FBN1: variants seen among roughly 807,000 people sequenced by gnomAD.
FBN1 encodes fibrillin 1.
Under a neutral mutation model 365.1 loss-of-function variants are expected in FBN1, and 29 were observed. That is an observed-to-expected ratio of 0.08 (90% CI 0.06 to 0.11). The LOEUF is 0.11. Ranked by LOEUF, FBN1 falls within the 10% of genes least tolerant of loss-of-function variation. The pLI is 1.00. For missense variants in FBN1, 2,476 were observed against 3,703.2 expected (o/e 0.67, Z 8.60); for synonymous variants, 1,210 against 1,270.5 (o/e 0.95, Z 1.01).
chr15:48,530,150 G>T (rs1394969634), intron 8 of FBN1, among the ~76,000 whole-genome samples: 1 of 134,534 alleles, frequency 7.4e-6, no homozygotes, highest in Non-Finnish European at 1.6e-5. Flanking sequence ...TGAAAATGGA[G>T]TCTGAATTCT....
chr15:48,465,503 AT>A, intron 40 of FBN1, 64 bp downstream of exon 40: 1 of 1,583,458 alleles, frequency 6.3e-7, no homozygotes, highest in Non-Finnish European at 8.7e-7. Context: ...TAGTAACCAT[AT>A]TCTGGTTTTG....
At chr15:48,456,854 G>GTGTA (rs1349449843) in intron 43 of FBN1, 92 bp from the exon 44 acceptor site, 2 of 1,083,622 alleles carry the variant, frequency 1.8e-6, no homozygotes, top group Admixed American at 3.5e-5. Context: ...GTGTGTGTGT[G>GTGTA]TGTGTGTGTG....
At chr15:48,488,575 T>G in intron 25 of FBN1, 82 bp from the exon 26 acceptor site, 1 of 1,530,128 alleles carries the variant, frequency 6.5e-7, no homozygotes, top group Non-Finnish European at 8.9e-7. Flanking sequence ...TTTTAAATCA[T>G]GAAGGTTGGA....
intron 26 of FBN1, 31 bp from the exon 27 acceptor site, chr15:48,488,272 A>C: frequency 6.2e-7 from 1 of 1,614,244 alleles, no homozygotes; most frequent in Non-Finnish European, 8.5e-7. Flanking sequence ...GCAGCAAATG[A>C]GTCTCAGGAC....
At chr15:48,474,769 G>A (rs2043406587) in intron 32 of FBN1, 119 bp from the exon 33 acceptor site, 2 of 1,259,744 alleles carry the variant, frequency 1.6e-6, no homozygotes, top group South Asian at 2.5e-5. Flanking sequence ...GTATAGACTG[G>A]TTTTGCATCC....
At chr15:48,546,871 A>G (rs1039590367) in intron 6 of FBN1, among the ~76,000 whole-genome samples, 2 of 151,992 alleles carry the variant, frequency 1.3e-5, no homozygotes, top group African/African-American at 4.8e-5. Flanking sequence ...CGTGAGGGAA[A>G]CCGGAAGGCT....
At chr15:48,622,318 G>C (rs919275142) in intron 2 of FBN1, among the ~76,000 whole-genome samples, 2 of 152,124 alleles carry the variant, frequency 1.3e-5, no homozygotes, top group Non-Finnish European at 2.9e-5. Context: ...CTAACATCAA[G>C]GTCTGCCTGG....
rs1716515006 is a variant in FBN1 at position 48,441,638 on chromosome 15, CAG to C, written c.6163+81_6163+82del. 4.5e-6 allele frequency: 7 copies of C among 1,545,586 alleles called. No homozygotes were observed. In the Admixed American group the frequency reaches 1.2e-4, roughly 26 times the overall value. Reference sequence around the variant, plus strand: ...CTCCATCTTCCTGTTCACAAAGAAACAGAGCTTTGCCATGTTTGAAAAATAAG... The same window carrying C: ...CTCCATCTTCCTGTTCACAAAGAAACAGCTTTGCCATGTTTGAAAAATAAG... On this transcript the variant is annotated intron_variant, in intron 50 of 65. Coordinates refer to ENST00000316623, the MANE Select transcript of FBN1 (RefSeq NM_000138.5).
At chr15:48,624,850 C>T (rs554246835) in intron 2 of FBN1, among the ~76,000 whole-genome samples, 1 of 152,326 alleles carries the variant, frequency 6.6e-6, no homozygotes, top group African/African-American at 2.4e-5. Flanking sequence ...AGAGGCCGGC[C>T]AGAGGCGGAG....
At chr15:48,450,261 G>A (rs2043190781) in intron 45 of FBN1, among the ~76,000 whole-genome samples, 1 of 152,142 alleles carries the variant, frequency 6.6e-6, no homozygotes, top group Non-Finnish European at 1.5e-5. Flanking sequence ...AGGTATGCAG[G>A]GGACGAGGTC....
chr15:48,638,037 C>T (rs1296386400), intron 2 of FBN1, among the ~76,000 whole-genome samples: 1 of 144,622 alleles, frequency 6.9e-6, no homozygotes, highest in African/African-American at 2.5e-5. Flanking sequence ...CACTGATAAA[C>T]TTTTTTTTTT....
intron 2 of FBN1, among the ~76,000 whole-genome samples, chr15:48,626,928 C>A (rs1889895252): frequency 6.6e-6 from 1 of 152,094 alleles, no homozygotes; most frequent in East Asian, 1.9e-4. Context: ...CCCCCAAACC[C>A]TATCAAGAAA....
intron 6 of FBN1, among the ~76,000 whole-genome samples, chr15:48,554,002 T>G (rs980338864): frequency 1.3e-5 from 2 of 152,204 alleles, no homozygotes; most frequent in African/African-American, 2.4e-5. Context: ...AGAAGGAAAC[T>G]GAGGCTCAAA....
At chr15:48,623,264 C>T (rs1465324188) in intron 2 of FBN1, among the ~76,000 whole-genome samples, 6 of 152,058 alleles carry the variant, frequency 3.9e-5, no homozygotes, top group Admixed American at 2.6e-4. Context: ...AAAATCTGTG[C>T]GATAGAATTA....
chr15:48,567,824 G>A (rs541377709), intron 6 of FBN1, among the ~76,000 whole-genome samples: 2 of 151,730 alleles, frequency 1.3e-5, no homozygotes, highest in Non-Finnish European at 2.9e-5. Context: ...CCTGTTGAAG[G>A]GTACCTACGA....
intron 9 of FBN1, among the ~76,000 whole-genome samples, chr15:48,524,634 G>A (rs2043892698): frequency 6.6e-6 from 1 of 152,130 alleles, no homozygotes; most frequent in Non-Finnish European, 1.5e-5. Flanking sequence ...TGCATCCAGA[G>A]TTGAGGGGTA....
rs145622377 is a variant in FBN1 at position 48,642,671 on chromosome 15, ATGTGTGTG to A, written c.164+1927_164+1934del. On this transcript the variant is annotated intron_variant, in intron 2 of 65. Transcript: ENST00000316623. ...TAAATTATTATTTTCACCCCCGTGT[ATGTGTGTG>A]TGTGTGTGTGTGTGTATATATATAT... The A allele has an allele frequency of 4.0e-5, 6 of 149,598 alleles. No individual in the cohort carries two copies. The East Asian group carries it at 7.8e-4, about 19-fold the overall frequency. The allele number at this position is 149,598 out of a possible 1,614,324, so 9.3% of individuals were successfully genotyped here. A position where few individuals can be genotyped will look rare whatever the true frequency, so the allele number is the denominator to read the frequency against.
At chr15:48,418,123 T>A (rs1412753974) in intron 63 of FBN1, among the ~76,000 whole-genome samples, 1 of 152,134 alleles carries the variant, frequency 6.6e-6, no homozygotes, top group African/African-American at 2.4e-5. Context: ...ATTTTTTTTA[T>A]AGCAAAAAAA....
chr15:48,439,627 C>T (rs2043097823), intron 50 of FBN1, among the ~76,000 whole-genome samples: 2 of 152,074 alleles, frequency 1.3e-5, no homozygotes, highest in South Asian at 4.1e-4. Flanking sequence ...CTTTGTCTTC[C>T]AGTTTGTAGT....
Sources: allele counts gnomAD v4.1 joint callset (sites outside exome capture counted in the v4.1 genomes callset), GRCh38; gene constraint gnomAD v4.1.1; transcripts MANE v1.5; gene names NCBI Gene and HGNC (gene_info 2026-07-23, HGNC 2026-07-21).